Variants in GPBP1L1 observed in about 807,000 individuals in gnomAD.
GPBP1L1 encodes the protein vasculin-like protein 1.
Under a neutral mutation model 52.5 loss-of-function variants are expected in GPBP1L1, and 23 were observed. The ratio of observed to expected loss-of-function variants is 0.44; its 90% CI spans 0.32 to 0.62. The LOEUF is 0.62. Among genes scored for constraint, GPBP1L1 ranks in the 20% least tolerant of loss-of-function variants. The pLI is 0.06. For missense variants in GPBP1L1, 596 were observed against 579.3 expected, an observed-to-expected ratio of 1.03 and a Z score of -0.30; for synonymous variants, 243 against 203.1, an observed-to-expected ratio of 1.20 and a Z score of -1.67.
chr1:45,670,787 C>CTTTTTTTT (rs1157864588), intron 2 of GPBP1L1, among the ~76,000 whole-genome samples: 20 of 111,172 alleles, frequency 1.8e-4, no homozygotes, highest in Non-Finnish European at 2.9e-4. Context: ...TACCATATGT[C>CTTTTTTTT]TTTTTTTTTT....
rs771588141 is a variant in GPBP1L1 at position 45,654,833 on chromosome 1, G to A, written c.191-4C>T. 3 of 1,612,204 alleles carry A rather than the reference G, an allele frequency of 1.9e-6. No homozygotes were observed. The East Asian group carries it at 6.7e-5, about 36-fold the overall frequency. On this transcript the variant is annotated splice_polypyrimidine_tract_variant and splice_region_variant and intron_variant, in intron 5 of 12. Transcript: ENST00000355105. ...AGGGAGGGCTGGTGCCAAGAATCTA[G>A]AATAGTAAAGAAAAGGACTAATTAG... is the stretch of plus-strand genomic sequence containing the variant.
At chr1:45,629,347 A>AT (rs1449387006) in intron 12 of GPBP1L1, among the ~76,000 whole-genome samples, 3 of 151,004 alleles carry the variant, frequency 2.0e-5, no homozygotes, top group Non-Finnish European at 4.4e-5. Context: ...AGAGCATACT[A>AT]TTTTTTGGAA....
chr1:45,683,674 A>T (rs1329648920), intron 2 of GPBP1L1, among the ~76,000 whole-genome samples: 2 of 149,384 alleles, frequency 1.3e-5, no homozygotes, highest in African/African-American at 4.9e-5. Context: ...CCTGAGTTCG[A>T]GACCATTGCT....
At chr1:45,639,980 G>C (rs1004366181) in intron 8 of GPBP1L1, among the ~76,000 whole-genome samples, 6 of 151,736 alleles carry the variant, frequency 4.0e-5, no homozygotes, top group South Asian at 4.2e-4. Flanking sequence ...AGGTCACACT[G>C]AGCCATGATT....
At chr1:45,644,385 T>C (rs978649635) in intron 6 of GPBP1L1, among the ~76,000 whole-genome samples, 23 of 152,188 alleles carry the variant, frequency 1.5e-4, no homozygotes, top group Admixed American at 1.4e-3. Flanking sequence ...GTTTTAAAAC[T>C]TGTAAAATAT....
intron 2 of GPBP1L1, among the ~76,000 whole-genome samples, chr1:45,684,378 A>G (rs1645253728): frequency 6.6e-6 from 1 of 152,164 alleles, no homozygotes; most frequent in East Asian, 1.9e-4. Flanking sequence ...CCATAAAATA[A>G]AGATATGCAA....
At chr1:45,674,162 C>T (rs979447838) in intron 2 of GPBP1L1, among the ~76,000 whole-genome samples, 2 of 152,188 alleles carry the variant, frequency 1.3e-5, no homozygotes, top group African/African-American at 4.8e-5. Flanking sequence ...CATCTTAAAT[C>T]CCCTGATTTC....
chr1:45,661,583 G>A lies in GPBP1L1; in HGVS notation c.-1097-358C>T, dbSNP rs570983264. Among the ~76,000 whole-genome samples, 4 of 152,108 alleles carry A rather than the reference G, an allele frequency of 2.6e-5. No individual in the cohort carries two copies. The South Asian group carries it at 8.3e-4, about 32-fold the overall frequency. Reference sequence around the variant, plus strand: ...CGATTCTCCTGCCTCAGCCTCCTGAGTAGCTGGGATTACAGGTGTGCACTA... The same window carrying A: ...CGATTCTCCTGCCTCAGCCTCCTGAATAGCTGGGATTACAGGTGTGCACTA... On this transcript the variant is annotated intron_variant, in intron 2 of 12. Transcript: ENST00000355105.
intron 6 of GPBP1L1, 66 bp downstream of exon 6, chr1:45,654,477 A>T (rs1208231196): frequency 1.4e-6 from 2 of 1,384,800 alleles, no homozygotes; most frequent in Non-Finnish European, 2.0e-6. Flanking sequence ...CTCATTACTA[A>T]CAGGGTCTCA....
chr1:45,649,740 T>C (rs1246454504), intron 6 of GPBP1L1, among the ~76,000 whole-genome samples: 1 of 152,200 alleles, frequency 6.6e-6, no homozygotes, highest in African/African-American at 2.4e-5. Context: ...CTATGAGTTT[T>C]TAAAATGCTA....
Position 45,628,266 on chromosome 1 carries a change from G to A in GPBP1L1, c.1415C>T (p.Ala472Val). 6.2e-7 allele frequency: 1 copy of A among 1,613,828 alleles called. No individual in the cohort carries two copies. The highest frequency in any genetic ancestry group is 2.2e-5 in the East Asian group (1 of 44,882). Residue 472 changes from alanine (A) to valine (V), a missense_variant, in exon 13 of 13, where the codon GCC (alanine) becomes GTC (valine). Coordinates refer to ENST00000355105, the MANE Select transcript of GPBP1L1 (RefSeq NM_021639.5). ...TGAGCATTTATATGCCTACTTCCAG[G>A]CATCGTCATCTGATGTTTCACTGCT... ...TSSSETSDDD[A>V]WK is the part of the protein sequence containing the mutation.
chr1:45,640,147 T>A, intron 8 of GPBP1L1, 63 bp downstream of exon 8: 1 of 1,345,746 alleles, frequency 7.4e-7, no homozygotes, highest in Non-Finnish European at 1.0e-6. Context: ...ATTTATTAAT[T>A]TTTTCCTGAT....
intron 6 of GPBP1L1, 102 bp from the exon 7 acceptor site, chr1:45,642,601 T>C (rs1644688196): frequency 2.5e-6 from 2 of 797,834 alleles, no homozygotes; most frequent in Non-Finnish European, 4.3e-6. Context: ...AATTACATAT[T>C]TTACATATTA....
chr1:45,627,326 G>A lies in GPBP1L1; in HGVS notation c.*930C>T, dbSNP rs974833856. ...AACTTGGTTTCTGACTTTATTACTG[G>A]TAATTTATTGCACAGGTTTTTCTGC... is the stretch of plus-strand genomic sequence containing the variant. On this transcript the variant is annotated 3_prime_UTR_variant, in exon 13 of 13. Transcript: ENST00000355105. 3 of 152,226 alleles carry A rather than the reference G, an allele frequency of 2.0e-5. No homozygotes were observed. The highest frequency in any genetic ancestry group is 4.2e-4 in the South Asian group (2 of 4,810). 9.4% of individuals were successfully genotyped at this position (152,226 alleles called of 1,614,324 possible). A position where few individuals can be genotyped will look rare whatever the true frequency, so the allele number is the denominator to read the frequency against.
chr1:45,654,419 TA>T (rs1644857381), intron 6 of GPBP1L1, 123 bp downstream of exon 6: 3 of 1,013,432 alleles, frequency 3.0e-6, no homozygotes, highest in South Asian at 3.6e-5. Flanking sequence ...TCTAAAACAA[TA>T]AAAACCTCAA....
At chr1:45,651,430 G>A in intron 6 of GPBP1L1, 1 of 406,678 alleles carries the variant, frequency 2.5e-6, no homozygotes, top group Non-Finnish European at 4.6e-6. Flanking sequence ...AAAGACAGGT[G>A]GTCTCTTACT....
upstream of GPBP1L1, chr1:45,687,792 CTAAA>C (rs1381891879): frequency 6.6e-6 from 1 of 152,200 alleles, no homozygotes; most frequent in African/African-American, 2.4e-5. Context: ...TTTTCCCCCT[CTAAA>C]TGATAGTAAA....
intron 6 of GPBP1L1, among the ~76,000 whole-genome samples, chr1:45,646,621 T>C (rs1481046435): frequency 2.6e-5 from 4 of 151,890 alleles, no homozygotes; most frequent in Non-Finnish European, 5.9e-5. Flanking sequence ...AGTGGCGCGA[T>C]CTCAGCTCAC....
chr1:45,647,449 C>A (rs1644764145), intron 6 of GPBP1L1, among the ~76,000 whole-genome samples: 1 of 152,122 alleles, frequency 6.6e-6, no homozygotes, highest in African/African-American at 2.4e-5. Flanking sequence ...ACGATAGAAC[C>A]CTGTGCTGGT....
Sources: gnomAD v4.1 joint callset for allele counts (sites outside exome capture counted in the v4.1 genomes callset) on GRCh38, gnomAD v4.1.1 for gene constraint, MANE v1.5 for transcripts, NCBI Gene and HGNC (gene_info 2026-07-23, HGNC 2026-07-21) for gene names.